The following LYRM4 variants were observed in gnomAD, a reference collection of about 807,000 sequenced individuals.
LYRM4 encodes the protein LYR motif-containing protein 4.
Under a neutral mutation model 11.7 loss-of-function variants are expected in LYRM4, and 9 were observed. That is an observed-to-expected ratio of 0.77 (90% CI 0.46 to 1.34). The LOEUF is 1.34. Among genes scored for constraint, LYRM4 ranks in the 40% most tolerant of loss-of-function variants. LYRM4 has a pLI of 0.00. For missense variants in LYRM4, 133 were observed against 112.5 expected, an observed-to-expected ratio of 1.18 and a Z score of -0.82; for synonymous variants, 42 against 40.4, an observed-to-expected ratio of 1.04 and a Z score of -0.15.
At chr6:5,209,091 T>C (rs1467341559) in intron 2 of LYRM4, among the ~76,000 whole-genome samples, 2 of 152,168 alleles carry the variant, frequency 1.3e-5, no homozygotes, top group Non-Finnish European at 2.9e-5. Flanking sequence ...TATTACTTTT[T>C]ATTTTATTAC....
At chr6:5,100,617 AC>A (rs1339515115), downstream of LYRM4, among the ~76,000 whole-genome samples, 7 of 151,986 alleles carry the variant, frequency 4.6e-5, no homozygotes, top group Non-Finnish European at 7.4e-5. Context: ...GTGGTCAAGA[AC>A]CCCCAACTCC....
downstream of LYRM4, among the ~76,000 whole-genome samples, chr6:5,099,181 T>A (rs374733): frequency 6.6e-6 from 1 of 151,330 alleles, no homozygotes; most frequent in Non-Finnish European, 1.5e-5. The surrounding 1 kb of genome is among the most constrained non-coding windows in gnomAD (Gnocchi z 4.3). Flanking sequence ...TTTGAAGGGG[T>A]TAGTTGAAGG....
the LYRM4 span, among the ~76,000 whole-genome samples, chr6:5,080,575 G>A: frequency 6.3e-3 from 958 of 152,292 alleles, 10 homozygotes; most frequent in Non-Finnish European, 9.6e-3. Flanking sequence ...TCCGAACCGG[G>A]AGCACCTGAA....
downstream of LYRM4, among the ~76,000 whole-genome samples, chr6:5,099,445 G>T (rs141969716): frequency 7.5e-6 from 1 of 132,744 alleles, no homozygotes; most frequent in Non-Finnish European, 1.6e-5. The surrounding 1 kb of genome is among the most constrained non-coding windows in gnomAD (Gnocchi z 4.3). Flanking sequence ...TAGCGATGAG[G>T]CCTCACTATA....
intron 2 of LYRM4, among the ~76,000 whole-genome samples, chr6:5,165,652 C>T (rs896344274): frequency 1.3e-4 from 19 of 151,930 alleles, no homozygotes; most frequent in African/African-American, 4.4e-4. Context: ...AAATGATTCT[C>T]CTGCCTCAGC....
the LYRM4 span, among the ~76,000 whole-genome samples, chr6:5,060,773 C>T: frequency 6.6e-6 from 1 of 152,170 alleles, no homozygotes; most frequent in Non-Finnish European, 1.5e-5. Context: ...GATGATCCAC[C>T]TGCGTCAGCC....
chr6:5,044,850 G>A, the LYRM4 span, among the ~76,000 whole-genome samples: 4 of 152,156 alleles, frequency 2.6e-5, no homozygotes, highest in Non-Finnish European at 4.4e-5. Context: ...AGTTATGAGT[G>A]CAATTTTTAA....
downstream of LYRM4, chr6:5,104,121 G>A (rs1433919046): frequency 6.6e-6 from 1 of 152,344 alleles, no homozygotes; most frequent in Non-Finnish European, 1.5e-5. Flanking sequence ...AACTTTTAAT[G>A]TTAATCTCAT....
At chr6:5,255,237 G>C (rs558627807) in intron 1 of LYRM4, among the ~76,000 whole-genome samples, 2 of 152,298 alleles carry the variant, frequency 1.3e-5, no homozygotes, top group African/African-American at 4.8e-5. Context: ...TATTTTCATA[G>C]TTATCAGGAA....
intron 2 of LYRM4, among the ~76,000 whole-genome samples, chr6:5,213,182 A>G (rs748414133): frequency 6.6e-6 from 1 of 152,208 alleles, no homozygotes; most frequent in Non-Finnish European, 1.5e-5. Context: ...AAGGAGCTAG[A>G]AGACCTGAGC....
At position 5,260,873 on chromosome 6, in the gene LYRM4, C is replaced by T. The variant is rs910980104; in HGVS notation, c.-140G>A. The T allele has an allele frequency of 5.5e-6, 8 of 1,446,806 alleles. No individual in the cohort carries two copies. In the African/African-American group the frequency reaches 5.8e-5, roughly 11 times the overall value. 89.6% of individuals were successfully genotyped at this position (1,446,806 alleles called of 1,614,324 possible). A position where few individuals can be genotyped will look rare whatever the true frequency, so the allele number is the denominator to read the frequency against. On this transcript the variant is annotated 5_prime_UTR_variant, in exon 1 of 3. Coordinates refer to ENST00000330636, the MANE Select transcript of LYRM4 (RefSeq NM_020408.6). Reference sequence around the variant, plus strand: ...GCTTTGCCAGCGGGCCGGGCCTAAGCCTAAGCGGGCAGCCCTGCGGATCGC... The same window carrying T: ...GCTTTGCCAGCGGGCCGGGCCTAAGTCTAAGCGGGCAGCCCTGCGGATCGC...
intron 2 of LYRM4, among the ~76,000 whole-genome samples, chr6:5,114,144 G>GC (rs1763015488): frequency 6.6e-6 from 1 of 152,126 alleles, no homozygotes; most frequent in African/African-American, 2.4e-5. Flanking sequence ...GTGCCTGCCC[G>GC]CCCTCCAGTT....
At chr6:5,254,960 C>T (rs1266375824) in intron 1 of LYRM4, among the ~76,000 whole-genome samples, 3 of 152,196 alleles carry the variant, frequency 2.0e-5, no homozygotes, top group African/African-American at 4.8e-5. Context: ...TCAACCCCCA[C>T]AATCTGGGTT....
intron 1 of LYRM4, among the ~76,000 whole-genome samples, chr6:5,254,342 A>C (rs532606699): frequency 6.2e-4 from 94 of 152,360 alleles, no homozygotes; most frequent in African/African-American, 2.2e-3. Context: ...AGCAGGATGA[A>C]GAAAATGCTT....
the LYRM4 span, among the ~76,000 whole-genome samples, chr6:5,095,441 A>AAGTG: frequency 6.6e-6 from 1 of 152,194 alleles, no homozygotes; most frequent in Non-Finnish European, 1.5e-5. Flanking sequence ...CAGAAAATGG[A>AAGTG]AGTGAGGTAC....
rs767265855 is a variant in LYRM4, at chr6:5,260,928, G to A, written c.-195C>T. The stretch of plus-strand genomic sequence containing the variant: ...GGCGCCAGGCGTCCCGCGCCGCTTC[G>A]GGGGCGGGCGCAGGCAGGGCTCGGG... On this transcript the variant is annotated 5_prime_UTR_variant, in exon 1 of 3. Coordinates refer to ENST00000330636, the MANE Select transcript of LYRM4 (RefSeq NM_020408.6). 14 of 1,357,308 alleles carry A rather than the reference G, an allele frequency of 1.0e-5. No homozygotes were observed. Among genetic ancestry groups the A allele is most frequent in the Non-Finnish European group, 1.3e-5 (14 of 1,059,606 alleles). 84.1% of individuals were successfully genotyped at this position (1,357,308 alleles called of 1,614,324 possible). A position where few individuals can be genotyped will look rare whatever the true frequency, so the allele number is the denominator to read the frequency against.
intron 2 of LYRM4, among the ~76,000 whole-genome samples, chr6:5,204,705 G>T (rs1334104372): frequency 1.3e-5 from 2 of 151,992 alleles, no homozygotes; most frequent in Admixed American, 1.3e-4. Flanking sequence ...TTTCAAAAAA[G>T]CACAGATGAC....
intron 2 of LYRM4, among the ~76,000 whole-genome samples, chr6:5,208,248 A>T (rs1761809452): frequency 1.3e-5 from 2 of 152,214 alleles, no homozygotes; most frequent in Admixed American, 1.3e-4. Context: ...AGATGTGGTA[A>T]ATTAGGCAAA....
rs921293413 is a variant in LYRM4 at position 5,227,468 on chromosome 6, G to A, written c.87-10730C>T. ...GATTGTTAGGATGTCAGTGATTTTT[G>A]CAAAAAACCCCACCAGCATAGGAAC... is the stretch of plus-strand genomic sequence containing the variant. On this transcript the variant is annotated intron_variant, in intron 1 of 2. Coordinates refer to ENST00000330636, the MANE Select transcript of LYRM4 (RefSeq NM_020408.6). 4.6e-5 allele frequency among the ~76,000 whole-genome samples: 7 copies of A among 152,090 alleles called. No homozygotes were observed. The South Asian group carries it at 1.0e-3, about 23-fold the overall frequency.
Sources: allele counts gnomAD v4.1 joint callset (sites outside exome capture counted in the v4.1 genomes callset), GRCh38; gene constraint gnomAD v4.1.1; non-coding constraint Gnocchi (gnomAD v3.1); transcripts MANE v1.5; gene names NCBI Gene and HGNC (gene_info 2026-07-23, HGNC 2026-07-21).